The following RAD51B variants were observed in gnomAD, a reference collection of about 807,000 sequenced individuals.
RAD51B encodes the protein RAD51 paralog B, also known as DNA repair protein RAD51 homolog 2.
Under a neutral mutation model 42.2 loss-of-function variants are expected in RAD51B, and 38 were observed. That is an observed-to-expected ratio of 0.90 (90% CI 0.70 to 1.18). The LOEUF (loss-of-function observed/expected upper bound fraction) is 1.18. Ranked by LOEUF, RAD51B falls within the 50% of genes most tolerant of loss-of-function variation. The pLI is 0.00. For missense variants in RAD51B, 373 were observed against 400.7 expected (o/e 0.93, Z 0.59); for synonymous variants, 154 against 145.2 (o/e 1.06, Z -0.43).
intron 7 of RAD51B, among the ~76,000 whole-genome samples, chr14:67,888,076 A>G (rs1004171176): frequency 6.6e-6 from 1 of 152,212 alleles, no homozygotes; most frequent in Non-Finnish European, 1.5e-5. Flanking sequence ...AACATAAAGA[A>G]TATGTATAAA....
Position 67,927,991 on chromosome 14 carries a change from G to T in RAD51B, c.756+40787G>T, listed in dbSNP as rs191075199. Among the ~76,000 whole-genome samples, 20 of 152,018 alleles carry T rather than the reference G, an allele frequency of 1.3e-4. No individual in the cohort carries two copies. In the East Asian group the frequency reaches 3.1e-3, roughly 24 times the overall value. On this transcript the variant is annotated intron_variant, in intron 7 of 10. Transcript: ENST00000471583. ...TTTGTTGTAGCTTTGTCTGGTTTTG[G>T]TATCAGGGTAATGCTGGCCTCATAG...
At chr14:68,115,837 A>C (rs1243327510) in intron 7 of RAD51B, among the ~76,000 whole-genome samples, 1 of 152,172 alleles carries the variant, frequency 6.6e-6, no homozygotes, top group African/African-American at 2.4e-5. Flanking sequence ...TGTGCATCAC[A>C]GAGTGGGGCA....
Position 68,645,456 on chromosome 14 carries a change from C to T in RAD51B, c.1037-5325C>T, listed in dbSNP as rs1034279115. Among the ~76,000 whole-genome samples the T allele has an allele frequency of 3.9e-5, 6 of 152,124 alleles. No individual in the cohort carries two copies. The East Asian group carries it at 5.8e-4, about 15-fold the overall frequency. ...CTATTATGAATAATGTTGCTATGAA[C>T]GTGGGTTTACAAAAATTTCTTCAAG... On this transcript the variant is annotated intron_variant, in intron 10 of 11. Transcript: ENST00000488612.
chr14:68,277,987 CCCGTCTTGGCCTCCCAAAATG>C (rs2081256396), intron 7 of RAD51B, among the ~76,000 whole-genome samples: 1 of 152,216 alleles, frequency 6.6e-6, no homozygotes, highest in Non-Finnish European at 1.5e-5. Context: ...AAATGATCTG[CCCGTCTTGGCCTCCCAAAATG>C]TTGGGATTAC....
intron 7 of RAD51B, among the ~76,000 whole-genome samples, chr14:68,201,253 T>G (rs1423200003): frequency 6.6e-6 from 1 of 152,204 alleles, no homozygotes; most frequent in Non-Finnish European, 1.5e-5. Context: ...TGAGAGCAAG[T>G]TCTATAAAGC....
chr14:68,552,617 T>A (rs1240531826), intron 10 of RAD51B, among the ~76,000 whole-genome samples: 3 of 152,078 alleles, frequency 2.0e-5, no homozygotes, highest in Non-Finnish European at 4.4e-5. Context: ...AGCAGAAAAA[T>A]GCAATAATCA....
chr14:68,650,269 A>G (rs1892673658), intron 10 of RAD51B, among the ~76,000 whole-genome samples: 2 of 152,080 alleles, frequency 1.3e-5, no homozygotes, highest in Non-Finnish European at 2.9e-5. Flanking sequence ...CCAACTCACA[A>G]CCCAGTGACT....
intron 7 of RAD51B, among the ~76,000 whole-genome samples, chr14:68,190,702 T>C (rs2079247894): frequency 6.6e-6 from 1 of 152,184 alleles, no homozygotes. Context: ...AAGTTCAGAT[T>C]AAAATTTTCC....
intron 7 of RAD51B, among the ~76,000 whole-genome samples, chr14:68,069,992 A>G (rs533413657): frequency 2.6e-5 from 4 of 152,216 alleles, no homozygotes; most frequent in Non-Finnish European, 4.4e-5. Context: ...CTGATGTGAA[A>G]TGGTATTTCA....
At position 68,081,507 on chromosome 14, in the gene RAD51B, CTT is replaced by C. The variant is rs1206019097; in HGVS notation, c.756+194304_756+194305del. On this transcript the variant is annotated intron_variant, in intron 7 of 10. Transcript: ENST00000471583. ...TTTATGGCATTTAAGTTTGGAACCA[CTT>C]ATGTCAAAACTCATTTCTGTGTTTA... Among the ~76,000 whole-genome samples, 6 of 152,324 alleles carry C rather than the reference CTT, an allele frequency of 3.9e-5. No homozygotes were observed. In the East Asian group the frequency reaches 1.2e-3, roughly 29 times the overall value.
intron 7 of RAD51B, among the ~76,000 whole-genome samples, chr14:68,021,315 G>A (rs753727847): frequency 6.6e-5 from 10 of 152,142 alleles, no homozygotes; most frequent in Non-Finnish European, 1.2e-4. Context: ...TGCCAGTGAT[G>A]GCAGCAATGT....
chr14:68,159,077 C>T (rs1287201227), intron 7 of RAD51B, among the ~76,000 whole-genome samples: 1 of 151,768 alleles, frequency 6.6e-6, no homozygotes, highest in Non-Finnish European at 1.5e-5. Context: ...AACTAATGCT[C>T]CCAAAAGGTT....
At chr14:68,570,948 C>T (rs765489447) in intron 10 of RAD51B, among the ~76,000 whole-genome samples, 3 of 151,884 alleles carry the variant, frequency 2.0e-5, no homozygotes, top group Admixed American at 6.6e-5. Context: ...CATATTAGCT[C>T]GTGTCTTCAT....
At chr14:68,275,495 C>T (rs896782440) in intron 7 of RAD51B, among the ~76,000 whole-genome samples, 1 of 151,916 alleles carries the variant, frequency 6.6e-6, no homozygotes, top group African/African-American at 2.4e-5. Flanking sequence ...TTTATAATGC[C>T]TCCTTTCTCT....
intron 7 of RAD51B, among the ~76,000 whole-genome samples, chr14:67,995,866 C>A (rs1170806972): frequency 5.9e-5 from 9 of 152,066 alleles, no homozygotes; most frequent in Non-Finnish European, 2.9e-5. Flanking sequence ...ATCCGCCCGC[C>A]TTGGCCTCCC....
At chr14:67,907,088 T>C (rs1156507820) in intron 7 of RAD51B, among the ~76,000 whole-genome samples, 5 of 152,094 alleles carry the variant, frequency 3.3e-5, no homozygotes, top group African/African-American at 1.2e-4. Context: ...GGATTACAGG[T>C]GTGAGCCACT....
At chr14:68,588,464 A>C (rs1890590879) in intron 10 of RAD51B, among the ~76,000 whole-genome samples, 1 of 152,152 alleles carries the variant, frequency 6.6e-6, no homozygotes, top group Non-Finnish European at 1.5e-5. Context: ...AACAGTGGTA[A>C]GCTTTTCATT....
intron 7 of RAD51B, among the ~76,000 whole-genome samples, chr14:68,230,872 C>T (rs375995492): frequency 6.6e-6 from 1 of 152,124 alleles, no homozygotes; most frequent in Non-Finnish European, 1.5e-5. Context: ...TTAAAAAATT[C>T]TTTGATGTGA....
intron 9 of RAD51B, among the ~76,000 whole-genome samples, chr14:68,412,648 A>C (rs2084450603): frequency 6.6e-6 from 1 of 152,152 alleles, no homozygotes; most frequent in African/African-American, 2.4e-5. Context: ...CCATGTCCTG[A>C]GAAGATAGAG....
Sources: gnomAD v4.1 joint callset for allele counts (sites outside exome capture counted in the v4.1 genomes callset) on GRCh38, gnomAD v4.1.1 for gene constraint, MANE v1.5 for transcripts, NCBI Gene and HGNC (gene_info 2026-07-23, HGNC 2026-07-21) for gene names.